Variants in ZNF718 observed in about 807,000 individuals in gnomAD.
The protein encoded by ZNF718 is zinc finger protein 718.
In ZNF718, 3 loss-of-function variants were observed where a neutral mutation model predicts 2.6. The ratio of observed to expected loss-of-function variants is 1.16; its 90% CI spans 0.53 to 3.01. The LOEUF is 3.01. ZNF718 is among the 30% of genes most tolerant of loss of function. The probability of loss-of-function intolerance (pLI) is 0.03; values close to 1 mark genes in which losing one functional copy is unlikely to be tolerated. For synonymous variants in ZNF718, 135 were observed against 77.9 expected, an observed-to-expected ratio of 1.73 and a Z score of -3.86; for missense variants, 468 against 230.0, an observed-to-expected ratio of 2.03 and a Z score of -6.69.
At chr4:158,255 AATC>A (rs1223926638) in intron 3 of ZNF718, among the ~76,000 whole-genome samples, 1 of 151,980 alleles carries the variant, frequency 6.6e-6, no homozygotes, top group African/African-American at 2.4e-5. Flanking sequence ...TCCTTCCTTT[AATC>A]ATTAGATTTT....
intron 3 of ZNF718, among the ~76,000 whole-genome samples, chr4:188,834 C>T (rs1388225713): frequency 1.3e-5 from 2 of 152,118 alleles, no homozygotes; most frequent in African/African-American, 4.8e-5. Context: ...CTGTGTCACT[C>T]CCAGATAGGT....
chr4:160,143 C>G (rs1290995595), intron 3 of ZNF718, among the ~76,000 whole-genome samples: 1 of 152,324 alleles, frequency 6.6e-6, no homozygotes, highest in East Asian at 1.9e-4. Context: ...TCTTTCAGCA[C>G]CCTGTATTAT....
intron 3 of ZNF718, among the ~76,000 whole-genome samples, chr4:159,699 T>C (rs1227604589): frequency 1.3e-5 from 2 of 151,942 alleles, no homozygotes; most frequent in Admixed American, 1.3e-4. Flanking sequence ...ATTTTATAAA[T>C]TGTATATGTT....
intron 3 of ZNF718, among the ~76,000 whole-genome samples, chr4:135,756 A>ATATATAT (rs1581426330): frequency 2.8e-5 from 4 of 143,714 alleles, no homozygotes; most frequent in African/African-American, 7.7e-5. Flanking sequence ...ATGATTATAT[A>ATATATAT]ATCTACAGAC....
rs1442975061 is a variant in ZNF718 at position 131,121 on chromosome 4, C to G, written c.130+207C>G. Among the ~76,000 whole-genome samples, 332 of 104,052 alleles carry G rather than the reference C, an allele frequency of 3.2e-3. 100 individuals carry two copies. The highest frequency in any genetic ancestry group is 0.011 in the African/African-American group (322 of 30,022). 68.3% of individuals were successfully genotyped at this position (104,052 alleles called of 152,430 possible). A position where few individuals can be genotyped will look rare whatever the true frequency, so the allele number is the denominator to read the frequency against. On this transcript the variant is annotated intron_variant, in intron 2 of 3. Transcript: ENST00000510175. ...TTCTTTTGAGCTAATTTGTTTCCTT[C>G]GCTCTAGGCTAGTGGTAATTCTAGA...
downstream of ZNF718, among the ~76,000 whole-genome samples, chr4:164,813 C>T (rs1439416437): frequency 6.6e-6 from 1 of 152,078 alleles, no homozygotes; most frequent in Non-Finnish European, 1.5e-5. Context: ...CACTTTATAA[C>T]TTATGAGGAT....
At chr4:175,658 G>A (rs1483950286) in intron 3 of ZNF718, among the ~76,000 whole-genome samples, 2 of 152,104 alleles carry the variant, frequency 1.3e-5, no homozygotes, top group Admixed American at 6.5e-5. Flanking sequence ...TTGCTTTAGT[G>A]CGTCAGCAAT....
intron 1 of ZNF718, among the ~76,000 whole-genome samples, chr4:125,741 C>T (rs181216491): frequency 4.5e-4 from 68 of 152,320 alleles, no homozygotes; most frequent in African/African-American, 1.4e-3. Context: ...TGCTGCCAGC[C>T]CCCACCCAAT....
chr4:131,048 G>A (rs1715338588), intron 2 of ZNF718, 134 bp downstream of exon 2: 1 of 214,358 alleles, frequency 4.7e-6, no homozygotes, highest in Non-Finnish European at 8.4e-6. Flanking sequence ...TGGGAGTTTG[G>A]TGGTATAAAA....
rs1334831218 is a variant in ZNF718 at position 161,840 on chromosome 4, C to T, written c.1155C>T (p.His385=). The part of the protein sequence containing the change: ...AFNWSSTLNV[H]KRIHSGKNPY... ...ATTGGTCCTCAACCCTTAATGTACA[C>T]AAGAGAATTCACTCTGGAAAAAATC... The change falls in exon 4 of 4, where the codon CAC becomes CAT. Residue 385 remains histidine (H), a synonymous_variant. Coordinates refer to ENST00000510175, the MANE Select transcript of ZNF718 (RefSeq NM_001039127.6). 2 of 780,582 alleles carry T rather than the reference C, an allele frequency of 2.6e-6. No homozygotes were observed. Among genetic ancestry groups the T allele is most frequent in the East Asian group, 2.4e-5 (1 of 41,186 alleles). 48.4% of individuals were successfully genotyped at this position (780,582 alleles called of 1,614,324 possible).
chr4:170,014 C>T (rs1471077809), intron 3 of ZNF718, among the ~76,000 whole-genome samples: 2 of 152,072 alleles, frequency 1.3e-5, no homozygotes, highest in African/African-American at 4.8e-5. Context: ...TTTAGTGCTT[C>T]CTTCAGGAGC....
intron 3 of ZNF718, among the ~76,000 whole-genome samples, chr4:192,119 T>G (rs1717704463): frequency 6.6e-6 from 1 of 152,082 alleles, no homozygotes; most frequent in Non-Finnish European, 1.5e-5. Context: ...TCCAGAAGGT[T>G]GGAAGTCAGT....
chr4:168,770 T>A (rs1459416410), downstream of ZNF718, among the ~76,000 whole-genome samples: 1 of 152,184 alleles, frequency 6.6e-6, no homozygotes. Context: ...TTGCTAGTGG[T>A]CTATCAATTT....
chr4:197,809 A>G (rs782316299), intron 3 of ZNF718, among the ~76,000 whole-genome samples: 13 of 152,144 alleles, frequency 8.5e-5, no homozygotes, highest in East Asian at 7.7e-4. Flanking sequence ...TGTCTCTTCC[A>G]TGGTGTTTCA....
At chr4:187,050 A>G (rs1473849794) in intron 3 of ZNF718, among the ~76,000 whole-genome samples, 5 of 151,956 alleles carry the variant, frequency 3.3e-5, no homozygotes, top group South Asian at 2.1e-4. Context: ...TCTATTTTCA[A>G]TCTTTCAGGT....
chr4:175,669 G>A (rs1231275713), intron 3 of ZNF718, among the ~76,000 whole-genome samples: 1 of 152,040 alleles, frequency 6.6e-6, no homozygotes, highest in African/African-American at 2.4e-5. Flanking sequence ...CGTCAGCAAT[G>A]TTAGTAATAT....
chr4:124,944 C>A, intron 1 of ZNF718: 1 of 403,308 alleles, frequency 2.5e-6, no homozygotes, highest in Non-Finnish European at 4.6e-6. Flanking sequence ...CCGCGGCGGC[C>A]TGCGCGGTGC....
At chr4:188,661 C>T (rs1184284418) in intron 3 of ZNF718, among the ~76,000 whole-genome samples, 1 of 152,198 alleles carries the variant, frequency 6.6e-6, no homozygotes, top group Non-Finnish European at 1.5e-5. Flanking sequence ...TCTACTGAGA[C>T]TCCACACAAC....
At chr4:168,209 C>A (rs1032030640), downstream of ZNF718, among the ~76,000 whole-genome samples, 5 of 152,156 alleles carry the variant, frequency 3.3e-5, no homozygotes, top group African/African-American at 4.8e-5. Context: ...CCCACTTGAT[C>A]ATGGTGGATA....
Sources: gnomAD v4.1 joint callset for allele counts (sites outside exome capture counted in the v4.1 genomes callset) on GRCh38, gnomAD v4.1.1 for gene constraint, MANE v1.5 for transcripts, NCBI Gene and HGNC (gene_info 2026-07-23, HGNC 2026-07-21) for gene names.